CDH13: variants seen among roughly 807,000 people sequenced by gnomAD.
The protein encoded by CDH13 is cadherin 13.
Under a neutral mutation model 63.8 loss-of-function variants are expected in CDH13, and 24 were observed. The observed-to-expected ratio is 0.38, with a 90% CI of 0.27 to 0.53. The LOEUF is 0.53. CDH13 is among the 20% of genes least tolerant of loss of function. The pLI, the probability that CDH13 is intolerant of heterozygous loss-of-function variation, is 0.85. For missense variants in CDH13, 1,049 were observed against 903.1 expected (o/e 1.16, Z -2.07); for synonymous variants, 503 against 355.3 (o/e 1.42, Z -4.67).
intron 5 of CDH13, among the ~76,000 whole-genome samples, chr16:83,248,828 C>T (rs1273003925): frequency 1.3e-5 from 2 of 152,190 alleles, no homozygotes; most frequent in East Asian, 3.9e-4. Flanking sequence ...TACCACAGAA[C>T]TCTCCCCTGG....
chr16:83,338,058 G>C (rs150365256), intron 5 of CDH13, among the ~76,000 whole-genome samples: 1 of 152,012 alleles, frequency 6.6e-6, no homozygotes, highest in African/African-American at 2.4e-5. Context: ...TTGACACCAT[G>C]GACCAGGTCC....
Position 82,987,237 on chromosome 16 carries a change from C to A in CDH13, c.158-44773C>A, listed in dbSNP as rs1028313286. On this transcript the variant is annotated intron_variant, in intron 2 of 13. Coordinates refer to ENST00000567109, the MANE Select transcript of CDH13 (RefSeq NM_001257.5). The stretch of plus-strand genomic sequence containing the variant: ...TTGGTTCTTCCAGTTACTGCTGTAT[C>A]CCTTAAACTCGCCCAAAAGGAAGGA... 1.7e-4 allele frequency among the ~76,000 whole-genome samples: 26 copies of A among 152,188 alleles called. 1 individual carries two copies. Among genetic ancestry groups the A allele is most frequent in the Admixed American group, 1.5e-3 (23 of 15,284 alleles).
chr16:82,814,134 A>G (rs535882625), intron 1 of CDH13, among the ~76,000 whole-genome samples: 1 of 152,244 alleles, frequency 6.6e-6, no homozygotes, highest in East Asian at 1.9e-4. Flanking sequence ...TAATAAATAC[A>G]TATTTGGTCT....
chr16:82,915,532 G>A (rs759395065), intron 2 of CDH13, among the ~76,000 whole-genome samples: 5 of 152,038 alleles, frequency 3.3e-5, no homozygotes, highest in Non-Finnish European at 7.4e-5. Flanking sequence ...GGGGCCCAGG[G>A]GGGAAATTAC....
At chr16:83,073,501 A>G (rs2032604694) in intron 3 of CDH13, among the ~76,000 whole-genome samples, 1 of 152,118 alleles carries the variant, frequency 6.6e-6, no homozygotes, top group African/African-American at 2.4e-5. Context: ...TTAGGCAGGC[A>G]TTCACACACA....
chr16:83,676,516 A>T (rs768393967), intron 9 of CDH13, among the ~76,000 whole-genome samples: 1 of 152,232 alleles, frequency 6.6e-6, no homozygotes, highest in African/African-American at 2.4e-5. Context: ...GAAGTTGCAC[A>T]TTCTGGCATC....
intron 4 of CDH13, among the ~76,000 whole-genome samples, chr16:83,137,147 C>T (rs2036326200): frequency 6.6e-6 from 1 of 152,188 alleles, no homozygotes; most frequent in Non-Finnish European, 1.5e-5. Context: ...CACCTGTTCA[C>T]CCCGGGTTGC....
chr16:82,812,753 AG>A (rs1280435581), intron 1 of CDH13, among the ~76,000 whole-genome samples: 1 of 152,048 alleles, frequency 6.6e-6, no homozygotes, highest in Non-Finnish European at 1.5e-5. Context: ...GTGGATGTAG[AG>A]AAAACAAAGT....
intron 8 of CDH13, among the ~76,000 whole-genome samples, chr16:83,653,174 C>T (rs1356502486): frequency 2.0e-5 from 3 of 151,988 alleles, no homozygotes; most frequent in South Asian, 2.1e-4. Context: ...AGTGGCTGCT[C>T]CTGGGGGTGG....
At chr16:82,808,064 C>T (rs535328945) in intron 1 of CDH13, among the ~76,000 whole-genome samples, 8 of 152,214 alleles carry the variant, frequency 5.3e-5, no homozygotes, top group South Asian at 2.1e-4. Context: ...AGAGTGTAGT[C>T]AGAAGTCCCA....
intron 2 of CDH13, among the ~76,000 whole-genome samples, chr16:83,000,069 G>A (rs1912697351): frequency 6.6e-6 from 1 of 151,964 alleles, no homozygotes; most frequent in African/African-American, 2.4e-5. Context: ...TGTCAATAGT[G>A]CTGTGGCTGA....
At chr16:82,761,578 C>A (rs1463952403) in intron 1 of CDH13, among the ~76,000 whole-genome samples, 1 of 152,140 alleles carries the variant, frequency 6.6e-6, no homozygotes, top group Non-Finnish European at 1.5e-5. Context: ...ATATGCTGAA[C>A]AAGGCCAAGG....
intron 2 of CDH13, among the ~76,000 whole-genome samples, chr16:82,967,335 A>G (rs1447081105): frequency 6.6e-6 from 1 of 152,122 alleles, no homozygotes; most frequent in African/African-American, 2.4e-5. Context: ...TCTAATCACA[A>G]CTTGAATTGT....
chr16:83,579,423 G>A (rs547080526), intron 7 of CDH13, among the ~76,000 whole-genome samples: 2 of 152,288 alleles, frequency 1.3e-5, no homozygotes, highest in South Asian at 2.1e-4. Context: ...TACAATTATG[G>A]CAGAAGGTGA....
chr16:82,683,476 G>C (rs536134562), intron 1 of CDH13, among the ~76,000 whole-genome samples: 7 of 152,328 alleles, frequency 4.6e-5, no homozygotes, highest in Non-Finnish European at 7.3e-5. Flanking sequence ...CGTATGGTGA[G>C]AGACTGCATT....
intron 1 of CDH13, among the ~76,000 whole-genome samples, chr16:82,828,327 G>A (rs2549153): frequency 0.57 from 86,359 of 151,958 alleles, 25,626 homozygotes; most frequent in East Asian, 0.93. Flanking sequence ...TGGATCAAAA[G>A]TATCCTCTGG....
chr16:83,379,142 G>C (rs1424993096), intron 6 of CDH13, among the ~76,000 whole-genome samples: 1 of 152,066 alleles, frequency 6.6e-6, no homozygotes, highest in Non-Finnish European at 1.5e-5. Context: ...TGGTTTGTTG[G>C]CAATTATTCT....
intron 6 of CDH13, among the ~76,000 whole-genome samples, chr16:83,472,058 C>G (rs1349791819): frequency 1.3e-5 from 2 of 152,190 alleles, no homozygotes; most frequent in African/African-American, 4.8e-5. Flanking sequence ...CTTTTGATAA[C>G]AACAATATTC....
At chr16:82,920,687 A>C (rs1258017564) in intron 2 of CDH13, among the ~76,000 whole-genome samples, 1 of 152,114 alleles carries the variant, frequency 6.6e-6, no homozygotes, top group African/African-American at 2.4e-5. Context: ...TTAATCTTAT[A>C]TTCTCTCTCA....
Sources: gnomAD v4.1 joint callset for allele counts (sites outside exome capture counted in the v4.1 genomes callset) on GRCh38, gnomAD v4.1.1 for gene constraint, MANE v1.5 for transcripts, NCBI Gene and HGNC (gene_info 2026-07-23, HGNC 2026-07-21) for gene names.